STXBP5L: variants seen among roughly 807,000 people sequenced by gnomAD.
STXBP5L encodes the protein syntaxin-binding protein 5-like.
Under a neutral mutation model 144.5 loss-of-function variants are expected in STXBP5L, and 65 were observed. The observed-to-expected ratio is 0.45, with a 90% confidence interval of 0.37 to 0.55. The LOEUF is 0.55. STXBP5L is among the 20% of genes least tolerant of loss of function. The pLI is 0.00. For missense variants in STXBP5L, 1,298 were observed against 1,405.5 expected (o/e 0.92, Z 1.22); for synonymous variants, 505 against 469.6 (o/e 1.08, Z -0.97).
intron 19 of STXBP5L, among the ~76,000 whole-genome samples, chr3:121,288,703 A>G (rs1240553570): frequency 2.0e-5 from 3 of 152,004 alleles, no homozygotes; most frequent in Non-Finnish European, 4.4e-5. Flanking sequence ...TTTTTGTTAC[A>G]AATTTGTTTA....
intron 9 of STXBP5L, among the ~76,000 whole-genome samples, chr3:121,172,560 G>A (rs939180486): frequency 1.3e-5 from 2 of 152,190 alleles, no homozygotes; most frequent in Admixed American, 1.3e-4. Flanking sequence ...CATTTATGCA[G>A]CCAACAAACA....
intron 5 of STXBP5L, among the ~76,000 whole-genome samples, chr3:121,068,422 C>G (rs2041650127): frequency 6.6e-6 from 1 of 151,994 alleles, no homozygotes; most frequent in South Asian, 2.1e-4. Context: ...ATTTTACTTT[C>G]TTTTTACTTA....
intron 3 of STXBP5L, among the ~76,000 whole-genome samples, chr3:121,008,915 C>T (rs1056935703): frequency 6.8e-5 from 10 of 147,020 alleles, no homozygotes; most frequent in South Asian, 2.1e-4. Flanking sequence ...TAGTTTCTTA[C>T]GGTTTAATAT....
At chr3:120,977,479 G>T (rs1195261391) in intron 3 of STXBP5L, among the ~76,000 whole-genome samples, 1 of 152,138 alleles carries the variant, frequency 6.6e-6, no homozygotes, top group Non-Finnish European at 1.5e-5. Flanking sequence ...GCACACTGAT[G>T]GGTCTTGACT....
chr3:121,323,725 G>T (rs1045442896), intron 20 of STXBP5L, among the ~76,000 whole-genome samples: 9 of 149,606 alleles, frequency 6.0e-5, no homozygotes, highest in African/African-American at 1.5e-4. Context: ...TATATAAATT[G>T]TTCATACTTT....
At chr3:121,018,068 G>T (rs1945268815) in intron 3 of STXBP5L, among the ~76,000 whole-genome samples, 1 of 151,636 alleles carries the variant, frequency 6.6e-6, no homozygotes, top group South Asian at 2.1e-4. Context: ...GACAGAGGGA[G>T]GCCCTTTTTC....
intron 18 of STXBP5L, among the ~76,000 whole-genome samples, chr3:121,265,570 G>A (rs1344860021): frequency 1.3e-5 from 2 of 152,024 alleles, no homozygotes; most frequent in East Asian, 1.9e-4. Context: ...AGCTAGAAAA[G>A]CAAGAGCAAA....
chr3:121,045,651 A>G (rs1947467542), intron 5 of STXBP5L, 116 bp downstream of exon 5: 1 of 901,012 alleles, frequency 1.1e-6, no homozygotes, highest in Admixed American at 2.5e-5. Context: ...GAAATAATTT[A>G]ATGTTTATGC....
intron 5 of STXBP5L, among the ~76,000 whole-genome samples, chr3:121,084,397 C>T (rs2042391762): frequency 6.6e-6 from 1 of 150,404 alleles, no homozygotes; most frequent in South Asian, 2.1e-4. Context: ...TGTGTTGTTC[C>T]CCTCCTTCTT....
At chr3:121,382,908 A>G (rs2046351155) in intron 22 of STXBP5L, among the ~76,000 whole-genome samples, 2 of 152,140 alleles carry the variant, frequency 1.3e-5, no homozygotes, top group African/African-American at 4.8e-5. Context: ...TATCTATTTA[A>G]TAAGATTTAA....
intron 19 of STXBP5L, among the ~76,000 whole-genome samples, chr3:121,316,968 T>C (rs2043808336): frequency 6.6e-6 from 1 of 152,212 alleles, no homozygotes; most frequent in Admixed American, 6.5e-5. Flanking sequence ...CAGTACACTT[T>C]CAAGGAGTGC....
intron 2 of STXBP5L, among the ~76,000 whole-genome samples, chr3:120,911,584 G>A (rs1708843761): frequency 6.6e-6 from 1 of 151,996 alleles, no homozygotes; most frequent in African/African-American, 2.4e-5. Context: ...TAAATGGAAA[G>A]GATGATAAAA....
chr3:121,073,369 G>T (rs1419604575), intron 5 of STXBP5L, among the ~76,000 whole-genome samples: 1 of 152,182 alleles, frequency 6.6e-6, no homozygotes, highest in Non-Finnish European at 1.5e-5. Flanking sequence ...TGCTCCATCA[G>T]GGTGACACGA....
At chr3:121,081,184 G>A (rs1367492443) in intron 5 of STXBP5L, among the ~76,000 whole-genome samples, 2 of 151,684 alleles carry the variant, frequency 1.3e-5, no homozygotes, top group Middle Eastern at 3.2e-3. Context: ...CCCTAAGTGT[G>A]TATTTTATTT....
At chr3:121,402,702 A>G (rs1306781019) in intron 22 of STXBP5L, among the ~76,000 whole-genome samples, 1 of 152,214 alleles carries the variant, frequency 6.6e-6, no homozygotes, top group African/African-American at 2.4e-5. Flanking sequence ...AATCATCACT[A>G]ACTTCAAGTG....
At chr3:121,098,774 G>C (rs1453886956) in intron 5 of STXBP5L, among the ~76,000 whole-genome samples, 1 of 152,164 alleles carries the variant, frequency 6.6e-6, no homozygotes, top group African/African-American at 2.4e-5. Flanking sequence ...GACCACTCTG[G>C]CCATTGTTCC....
intron 2 of STXBP5L, among the ~76,000 whole-genome samples, chr3:120,929,007 A>C (rs1709782636): frequency 6.6e-6 from 1 of 152,124 alleles, no homozygotes; most frequent in Non-Finnish European, 1.5e-5. Context: ...CTTTGTGGTG[A>C]AAAAAGGGTA....
At chr3:121,196,096 T>C (rs969695582) in intron 9 of STXBP5L, among the ~76,000 whole-genome samples, 1 of 152,092 alleles carries the variant, frequency 6.6e-6, no homozygotes, top group African/African-American at 2.4e-5. Context: ...ATTTCTTTGG[T>C]ATTTTCATAG....
At chr3:121,158,802 C>A (rs1577080699) in intron 9 of STXBP5L, 1 of 152,090 alleles carries the variant, frequency 6.6e-6, no homozygotes, top group South Asian at 2.1e-4. Flanking sequence ...CTACTTACTT[C>A]CTTATGTTCT....
Sources: allele counts gnomAD v4.1 joint callset (sites outside exome capture counted in the v4.1 genomes callset), GRCh38; gene constraint gnomAD v4.1.1; transcripts MANE v1.5; gene names NCBI Gene and HGNC (gene_info 2026-07-23, HGNC 2026-07-21).